Variants in SEMA4D observed in about 807,000 individuals in gnomAD.
The protein encoded by SEMA4D is semaphorin-4D.
Under a neutral mutation model 74.8 loss-of-function variants are expected in SEMA4D, and 22 were observed. The observed-to-expected ratio is 0.29, with a 90% CI of 0.21 to 0.42. SEMA4D has a LOEUF of 0.42. Among genes scored for constraint, SEMA4D ranks in the 10% least tolerant of loss-of-function variants. The pLI, the probability that SEMA4D is intolerant of heterozygous loss-of-function variation, is 1.00. For synonymous variants in SEMA4D, 445 were observed against 463.7 expected (o/e 0.96, Z 0.52); for missense variants, 937 against 1,118.4 (o/e 0.84, Z 2.31).
chr9:89,385,493 A>T (rs539223205), intron 13 of SEMA4D: 145 of 985,222 alleles, frequency 1.5e-4, no homozygotes, highest in Middle Eastern at 5.2e-4. Context: ...TGTCCTGGAG[A>T]CCGAGAGGCT....
chr9:89,369,724 G>A (rs1013428121), intron 16 of SEMA4D, among the ~76,000 whole-genome samples: 1 of 152,260 alleles, frequency 6.6e-6, no homozygotes, highest in Admixed American at 6.5e-5. Context: ...CAGTTCAGAC[G>A]AGCAGAGCTC....
At chr9:89,448,274 G>A (rs1455678526) in intron 2 of SEMA4D, among the ~76,000 whole-genome samples, 1 of 152,176 alleles carries the variant, frequency 6.6e-6, no homozygotes, top group African/African-American at 2.4e-5. Flanking sequence ...ATTGCCCCTG[G>A]CATCTTTTTC....
intron 2 of SEMA4D, among the ~76,000 whole-genome samples, chr9:89,416,693 GAAC>G (rs1311688018): frequency 2.6e-5 from 4 of 152,114 alleles, no homozygotes; most frequent in African/African-American, 7.2e-5. Flanking sequence ...AGGAGGAGGA[GAAC>G]AACCAGGAAC....
At chr9:89,470,470 TAAC>T (rs1396042728) in intron 1 of SEMA4D, among the ~76,000 whole-genome samples, 7 of 152,188 alleles carry the variant, frequency 4.6e-5, no homozygotes, top group Non-Finnish European at 8.8e-5. Context: ...AGAAAAAACT[TAAC>T]AATACCAGGT....
intron 2 of SEMA4D, among the ~76,000 whole-genome samples, chr9:89,419,925 C>CA (rs556782001): frequency 1.2e-4 from 18 of 151,890 alleles, no homozygotes; most frequent in African/African-American, 2.9e-4. Flanking sequence ...TCAAAAAAAA[C>CA]AAAAAAACAC....
intron 1 of SEMA4D, among the ~76,000 whole-genome samples, chr9:89,468,751 C>A (rs985511178): frequency 1.3e-5 from 2 of 152,128 alleles, no homozygotes; most frequent in Non-Finnish European, 2.9e-5. Context: ...TGCCCAGATT[C>A]TCCCGGTGTG....
intron 2 of SEMA4D, among the ~76,000 whole-genome samples, chr9:89,439,521 A>G (rs1425390817): frequency 6.6e-6 from 1 of 152,246 alleles, no homozygotes; most frequent in Admixed American, 6.5e-5. Flanking sequence ...CAAACTGGAA[A>G]GAAGCATTTC....
intron 13 of SEMA4D, chr9:89,385,201 G>T: frequency 1.1e-6 from 1 of 936,274 alleles, no homozygotes; most frequent in Non-Finnish European, 1.3e-6. Context: ...TTGAGGATCA[G>T]TGCCCATGTG....
chr9:89,487,045 A>G (rs2136236576), intron 1 of SEMA4D, among the ~76,000 whole-genome samples: 1 of 152,248 alleles, frequency 6.6e-6, no homozygotes, highest in Middle Eastern at 3.4e-3. Context: ...TTTGATACCA[A>G]TATAAAATAC....
chr9:89,401,314 C>T (rs1160699447), intron 4 of SEMA4D, among the ~76,000 whole-genome samples: 2 of 152,196 alleles, frequency 1.3e-5, no homozygotes, highest in African/African-American at 4.8e-5. Context: ...ACCTCGACCT[C>T]CCACAGTGTT....
At chr9:89,363,534 A>G (rs377030858) in intron 17 of SEMA4D, 3 of 1,613,838 alleles carry the variant, frequency 1.9e-6, no homozygotes, top group Non-Finnish European at 2.5e-6. Context: ...ACTTCTGGAA[A>G]ACAAGCAGGG....
chr9:89,493,172 C>T (rs1825757921), intron 1 of SEMA4D, among the ~76,000 whole-genome samples: 1 of 152,198 alleles, frequency 6.6e-6, no homozygotes, highest in Non-Finnish European at 1.5e-5. Context: ...GAGCATCACC[C>T]ACCAGGGACC....
rs779665983 is a variant in SEMA4D at position 89,405,499 on chromosome 9, G to A, written c.-43C>T. ...AGGGGCTTCAGCAGCAAAGGCTCAC[G>A]GCAGCAGGTGGCCGGGCAGGTGTGC... On this transcript the variant is annotated 5_prime_UTR_variant, in exon 3 of 16. Coordinates refer to ENST00000422704, the MANE Select transcript of SEMA4D (RefSeq NM_001371194.2). 17 of 1,607,194 alleles carry A rather than the reference G, an allele frequency of 1.1e-5. No individual in the cohort carries two copies. Among genetic ancestry groups the A allele is most frequent in the South Asian group, 4.4e-5 (4 of 90,920 alleles).
chr9:89,435,114 C>T (rs112496771), intron 2 of SEMA4D, among the ~76,000 whole-genome samples: 1,904 of 152,146 alleles, frequency 0.013, 39 homozygotes, highest in African/African-American at 0.043. Flanking sequence ...CCGGCCAAGG[C>T]GGGGAGTGCA....
intron 1 of SEMA4D, among the ~76,000 whole-genome samples, chr9:89,495,262 A>C (rs1383590707): frequency 6.6e-6 from 1 of 152,184 alleles, no homozygotes; most frequent in Non-Finnish European, 1.5e-5. Flanking sequence ...AAATTCGCTC[A>C]GGGAGGGTCA....
In SEMA4D at chr9:89,400,006, C is replaced by CAAA. The variant is rs33925502; in HGVS notation, c.253-671_253-669dup. 8.3e-4 allele frequency among the ~76,000 whole-genome samples: 49 copies of CAAA among 58,970 alleles called. 2 individuals are homozygous for CAAA. The highest frequency in any genetic ancestry group is 1.0e-3 in the Non-Finnish European group (31 of 29,906). The allele number at this position is 58,970 out of a possible 152,430, so 38.7% of individuals were successfully genotyped here. ...TGGGCAACAGAGTAAGACTCCGTCT[C>CAAA]AAAAAAAAAAAAAAAAAAAAAAAAA... On this transcript the variant is annotated intron_variant, in intron 4 of 15. Coordinates refer to ENST00000422704, the MANE Select transcript of SEMA4D (RefSeq NM_001371194.2).
intron 4 of SEMA4D, among the ~76,000 whole-genome samples, chr9:89,402,478 T>A (rs1357120264): frequency 6.6e-6 from 1 of 152,094 alleles, no homozygotes; most frequent in South Asian, 2.1e-4. Flanking sequence ...TTTTTGATTA[T>A]TTGCACGACA....
At chr9:89,460,216 C>T (rs1856893055) in intron 1 of SEMA4D, among the ~76,000 whole-genome samples, 2 of 152,242 alleles carry the variant, frequency 1.3e-5, no homozygotes, top group Non-Finnish European at 2.9e-5. Flanking sequence ...AGAGCCAGTG[C>T]AGCCCCTCCT....
At chr9:89,446,133 T>C (rs1157347231) in intron 2 of SEMA4D, among the ~76,000 whole-genome samples, 1 of 152,136 alleles carries the variant, frequency 6.6e-6, no homozygotes, top group Admixed American at 6.5e-5. Context: ...TGACCACTTA[T>C]CTGGGCACCC....
Sources: allele counts gnomAD v4.1 joint callset (sites outside exome capture counted in the v4.1 genomes callset), GRCh38; gene constraint gnomAD v4.1.1; transcripts MANE v1.5; gene names NCBI Gene and HGNC (gene_info 2026-07-23, HGNC 2026-07-21).